PARP1: variants seen among roughly 807,000 people sequenced by gnomAD.
PARP1 encodes the protein poly(ADP-ribose) polymerase 1.
A neutral mutation model predicts 118.7 loss-of-function variants in PARP1; 44 were observed. The ratio of observed to expected loss-of-function variants is 0.37; its 90% CI spans 0.29 to 0.48. PARP1 has a LOEUF of 0.48. PARP1 is among the 20% of genes least tolerant of loss of function. The pLI is 0.99. For synonymous variants in PARP1, 492 were observed against 483.2 expected (o/e 1.02, Z -0.24); for missense variants, 1,100 against 1,272.4 (o/e 0.86, Z 2.06).
chr1:226,367,638 A>G, intron 16 of PARP1, 30 bp from the exon 17 acceptor site: 1 of 1,613,378 alleles, frequency 6.2e-7, no homozygotes, highest in Non-Finnish European at 8.5e-7. Context: ...CCCCCGACTT[A>G]GGTATCATGG....
At chr1:226,378,362 T>C (rs991051281) in intron 12 of PARP1, among the ~76,000 whole-genome samples, 4 of 151,474 alleles carry the variant, frequency 2.6e-5, no homozygotes, top group Non-Finnish European at 5.9e-5. Context: ...TCCCAGCTGC[T>C]GTACCCCACC....
At chr1:226,366,125 AGT>A in intron 17 of PARP1, 73 bp from the exon 18 acceptor site, 1 of 984,746 alleles carries the variant, frequency 1.0e-6, no homozygotes, top group East Asian at 2.4e-5. Context: ...GCTCAGGCTC[AGT>A]CAATGCATAG....
Position 226,404,821 on chromosome 1 carries a change from C to G in PARP1, c.121-2442G>C, listed in dbSNP as rs3729550. Among the ~76,000 whole-genome samples the G allele has an allele frequency of 4.6e-3, 697 of 152,362 alleles. 27 individuals are homozygous for G. In the South Asian group the frequency reaches 0.085, roughly 18 times the overall value. On this transcript the variant is annotated intron_variant, in intron 1 of 22. Coordinates refer to ENST00000366794, the MANE Select transcript of PARP1 (RefSeq NM_001618.4). ...CACCTAACATACCAGGGTCCTCACCCAACCAGCAGCTGGTGAACTGGGTTC... is the reference window on the plus strand; with the variant it reads ...CACCTAACATACCAGGGTCCTCACCGAACCAGCAGCTGGTGAACTGGGTTC...
intron 7 of PARP1, among the ~76,000 whole-genome samples, chr1:226,383,619 G>A (rs747796869): frequency 2.0e-5 from 3 of 152,080 alleles, no homozygotes; most frequent in Admixed American, 1.3e-4. Flanking sequence ...TATACACACT[G>A]GGAGATTATT....
chr1:226,394,892 C>T (rs1373734338), intron 2 of PARP1, among the ~76,000 whole-genome samples: 1 of 152,206 alleles, frequency 6.6e-6, no homozygotes, highest in East Asian at 1.9e-4. Context: ...CCTGTAAAAA[C>T]TGACAAATGA....
chr1:226,388,642 A>T lies in PARP1; in HGVS notation c.717+14T>A. ...AGCAGAATGTCGAAAGGAGACACAG[A>T]GCTGAGAACTCACCTTTAGGGCTTT... On this transcript the variant is annotated intron_variant, in intron 5 of 22. Transcript: ENST00000366794. 6.5e-7 allele frequency: 1 copy of T among 1,527,554 alleles called. No homozygotes were observed. The highest frequency in any genetic ancestry group is 9.1e-7 in the Non-Finnish European group (1 of 1,101,018). 94.6% of individuals were successfully genotyped at this position (1,527,554 alleles called of 1,614,324 possible).
chr1:226,389,969 G>A (rs976240523), intron 4 of PARP1, among the ~76,000 whole-genome samples: 1 of 152,130 alleles, frequency 6.6e-6, no homozygotes. Context: ...TCAACTCTAA[G>A]CCAGGAAAAT....
At chr1:226,380,223 C>A (rs140594624) in intron 9 of PARP1, 59 bp from the exon 10 acceptor site, 9 of 1,510,966 alleles carry the variant, frequency 6.0e-6, no homozygotes, top group Non-Finnish European at 8.3e-6. Context: ...ACTGAAACTT[C>A]AAATTACTAC....
chr1:226,404,917 T>G (rs940325699), intron 1 of PARP1, among the ~76,000 whole-genome samples: 2 of 152,214 alleles, frequency 1.3e-5, no homozygotes, highest in South Asian at 4.2e-4. Flanking sequence ...CCTCACTGCA[T>G]GCCTCCGGGT....
At chr1:226,406,276 T>C (rs888940215) in intron 1 of PARP1, among the ~76,000 whole-genome samples, 2 of 152,198 alleles carry the variant, frequency 1.3e-5, no homozygotes, top group African/African-American at 2.4e-5. Context: ...GAGATATCAA[T>C]TTTTTCTTAT....
In PARP1 at chr1:226,397,665, C is replaced by G. The variant is rs186809189; in HGVS notation, c.286+4549G>C. On this transcript the variant is annotated intron_variant, in intron 2 of 22. Coordinates refer to ENST00000366794, the MANE Select transcript of PARP1 (RefSeq NM_001618.4). ...AATGTGTAGCACCTCCCCTTTCACT[C>G]TCTTCCTCCTGCTCCGGCCATGTCA... Among the ~76,000 whole-genome samples the G allele has an allele frequency of 3.3e-5, 5 of 152,316 alleles. 1 individual carries two copies. In the East Asian group the frequency reaches 9.7e-4, roughly 29 times the overall value.
chr1:226,381,097 T>A lies in PARP1; in HGVS notation c.1271A>T (p.Asn424Ile), dbSNP rs147711929. 6.2e-7 allele frequency: 1 copy of A among 1,614,106 alleles called. No homozygotes were observed. Among genetic ancestry groups the A allele is most frequent in the Non-Finnish European group, 8.5e-7 (1 of 1,180,030 alleles). Residue 424 changes from asparagine to isoleucine, a missense_variant, in exon 9 of 23, where the codon AAC becomes ATC. Physicochemically the swap from Asn to Ile is moderately radical, Grantham distance 149. Coordinates refer to ENST00000366794, the MANE Select transcript of PARP1 (RefSeq NM_001618.4). ...KLGGKLTGTANKASLCISTKK... is the reference protein window; with the variant it reads ...KLGGKLTGTAIKASLCISTKK... ...GGTGCTGATGCACAGGGAAGCCTTG[T>A]TGGCCGTCCCCGTCAACTTCCCCCC...
chr1:226,361,472 G>A lies in PARP1; in HGVS notation c.3033C>T (p.Thr1011=), dbSNP rs1014426154. The A allele has an allele frequency of 3.7e-6, 6 of 1,609,374 alleles. No homozygotes were observed. Among genetic ancestry groups the A allele is most frequent in the African/African-American group, 2.7e-5 (2 of 74,788 alleles). Residue 1011 remains threonine (T), a synonymous_variant, in exon 23 of 23, where the codon ACC becomes ACT. Coordinates refer to ENST00000366794, the MANE Select transcript of PARP1 (RefSeq NM_001618.4). ...CTACCTCTCCCAATTACCACAGGGAGGTCTTAAAATTGAATTTCAGTTTCA... is the reference window on the plus strand; with the variant it reads ...CTACCTCTCCCAATTACCACAGGGAAGTCTTAAAATTGAATTTCAGTTTCA... The part of the protein sequence containing the change: ...YLLKLKFNFK[T]SLW
chr1:226,406,571 C>T (rs542306098), intron 1 of PARP1, among the ~76,000 whole-genome samples: 1 of 152,362 alleles, frequency 6.6e-6, no homozygotes, highest in African/African-American at 2.4e-5. Context: ...ACAGCTCCAT[C>T]AGGTGGCATC....
chr1:226,393,303 T>G (rs1426053011), intron 2 of PARP1, among the ~76,000 whole-genome samples: 1 of 152,212 alleles, frequency 6.6e-6, no homozygotes, highest in Non-Finnish European at 1.5e-5. Context: ...CTAAAAGCTG[T>G]AAGACTTTGC....
rs907082291 is a variant in PARP1, at chr1:226,386,590, T to C, written c.718-148A>G. 12 of 742,386 alleles carry C rather than the reference T, an allele frequency of 1.6e-5. 2 individuals are homozygous for C. Among genetic ancestry groups the C allele is most frequent in the South Asian group, 8.4e-5 (6 of 71,342 alleles). 46.0% of individuals were successfully genotyped at this position (742,386 alleles called of 1,614,324 possible). ...CAAATCTGGGTGATTAGCACAGGAT[T>C]TGACTCCCAGTCATGCTCCTGTGGA... On this transcript the variant is annotated intron_variant, in intron 5 of 22. Coordinates refer to ENST00000366794, the MANE Select transcript of PARP1 (RefSeq NM_001618.4).
intron 14 of PARP1, among the ~76,000 whole-genome samples, chr1:226,373,447 C>T (rs1264912504): frequency 1.3e-5 from 2 of 152,124 alleles, no homozygotes; most frequent in African/African-American, 4.8e-5. Context: ...GCTCTGAAGG[C>T]CCCCAGGGTC....
intron 4 of PARP1, among the ~76,000 whole-genome samples, chr1:226,389,594 A>G (rs978750833): frequency 6.6e-6 from 1 of 152,210 alleles, no homozygotes; most frequent in Non-Finnish European, 1.5e-5. Context: ...GTGGGAGCTG[A>G]TGAACTCCAA....
Position 226,370,434 on chromosome 1 carries a change from C to G in PARP1, c.2154G>C (p.Gln718His). 2 of 1,613,014 alleles carry G rather than the reference C, an allele frequency of 1.2e-6. No homozygotes were observed. Among genetic ancestry groups the G allele is most frequent in the East Asian group, 2.2e-5 (1 of 44,872 alleles). Residue 718 changes from glutamine to histidine, a missense_variant and splice_region_variant, in exon 15 of 23, where the codon CAG becomes CAC. Coordinates refer to ENST00000366794, the MANE Select transcript of PARP1 (RefSeq NM_001618.4). Reference sequence around the variant, plus strand: ...AGGCCCCTGGTAGCCCTGTGCTTACCTGCTGGACCTCACTGAGGATGGAGT... The same window carrying G: ...AGGCCCCTGGTAGCCCTGTGCTTACGTGCTGGACCTCACTGAGGATGGAGT... ...AAYSILSEVQQAVSQGSSDSQ... is the reference protein window; with the variant it reads ...AAYSILSEVQHAVSQGSSDSQ...
Sources: allele counts gnomAD v4.1 joint callset (sites outside exome capture counted in the v4.1 genomes callset), GRCh38; gene constraint gnomAD v4.1.1; transcripts MANE v1.5; gene names NCBI Gene and HGNC (gene_info 2026-07-23, HGNC 2026-07-21).